Variants in MARCHF1 observed in about 807,000 individuals in gnomAD.
The protein encoded by MARCHF1 is E3 ubiquitin-protein ligase MARCHF1.
In MARCHF1, 40 loss-of-function variants were observed where a neutral mutation model predicts 54.2. That is an observed-to-expected ratio of 0.74 (90% CI 0.57 to 0.96). MARCHF1 has a LOEUF of 0.96. Ranked by LOEUF, MARCHF1 falls within the 40% of genes least tolerant of loss-of-function variation. The pLI, the probability that MARCHF1 is intolerant of heterozygous loss-of-function variation, is 0.00. For synonymous variants in MARCHF1, 236 were observed against 236.3 expected, an observed-to-expected ratio of 1.00 and a Z score of 0.01; for missense variants, 586 against 656.5, an observed-to-expected ratio of 0.89 and a Z score of 1.17.
At chr4:164,103,211 C>A (rs1465707088) in intron 2 of MARCHF1, among the ~76,000 whole-genome samples, 57 of 71,342 alleles carry the variant, frequency 8.0e-4, no homozygotes, top group African/African-American at 2.3e-3. Flanking sequence ...ATCAACGAGA[C>A]AGAAAGTCAA....
At chr4:164,081,139 C>A (rs1306067415) in intron 2 of MARCHF1, among the ~76,000 whole-genome samples, 1 of 119,156 alleles carries the variant, frequency 8.4e-6, no homozygotes, top group Non-Finnish European at 1.6e-5. Context: ...ACCCAGGAGG[C>A]GGAGCTTGCA....
intron 1 of MARCHF1, among the ~76,000 whole-genome samples, chr4:164,169,532 A>G (rs1730469689): frequency 6.6e-6 from 1 of 152,138 alleles, no homozygotes; most frequent in Admixed American, 6.6e-5. Context: ...TAGATTACCA[A>G]GAAAATAACT....
intron 5 of MARCHF1, among the ~76,000 whole-genome samples, chr4:163,632,058 T>C (rs887406476): frequency 2.0e-5 from 3 of 152,168 alleles, no homozygotes; most frequent in Non-Finnish European, 4.4e-5. Context: ...CCCATTAAGA[T>C]GGCTACTATA....
chr4:163,663,504 A>C (rs1027610710), intron 5 of MARCHF1, among the ~76,000 whole-genome samples: 3 of 151,912 alleles, frequency 2.0e-5, no homozygotes, highest in Non-Finnish European at 1.5e-5. Context: ...CTATGTTTTT[A>C]TATTCTGAAT....
intron 3 of MARCHF1, among the ~76,000 whole-genome samples, chr4:163,924,152 T>C (rs190636179): frequency 2.0e-5 from 3 of 152,204 alleles, no homozygotes; most frequent in Non-Finnish European, 4.4e-5. Context: ...TGAAGTGCCA[T>C]ATTCATGCTG....
At chr4:164,216,157 A>G (rs1180108919) in intron 1 of MARCHF1, among the ~76,000 whole-genome samples, 1 of 152,232 alleles carries the variant, frequency 6.6e-6, no homozygotes, top group Non-Finnish European at 1.5e-5. Context: ...GTCTATAATG[A>G]TACCAACATT....
rs138729088 is a variant in MARCHF1, at chr4:164,071,672, G to C, written c.-248+39916C>G. Among the ~76,000 whole-genome samples, 114 of 152,174 alleles carry C rather than the reference G, an allele frequency of 7.5e-4. 3 individuals are homozygous for C. In the East Asian group the frequency reaches 0.02, roughly 26 times the overall value. Reference sequence around the variant, plus strand: ...TTCTGTTCCTTTGAGATGTTTTGCTGGTCTTACTTCTTTTTATAAGATCTA... The same window carrying C: ...TTCTGTTCCTTTGAGATGTTTTGCTCGTCTTACTTCTTTTTATAAGATCTA... On this transcript the variant is annotated intron_variant, in intron 2 of 9. Coordinates refer to ENST00000514618, the MANE Select transcript of MARCHF1 (RefSeq NM_001394959.1).
At chr4:164,206,789 A>T (rs901089075) in intron 1 of MARCHF1, among the ~76,000 whole-genome samples, 5 of 152,246 alleles carry the variant, frequency 3.3e-5, no homozygotes, top group Admixed American at 2.6e-4. Context: ...TTACGTAACT[A>T]TAAGATATTC....
intron 4 of MARCHF1, among the ~76,000 whole-genome samples, chr4:163,837,583 A>C (rs1749225039): frequency 6.6e-6 from 1 of 152,130 alleles, no homozygotes; most frequent in East Asian, 1.9e-4. Flanking sequence ...CCATTAAAGA[A>C]GAACATTTTA....
At chr4:163,726,251 A>T (rs1426508933) in intron 4 of MARCHF1, among the ~76,000 whole-genome samples, 1 of 152,100 alleles carries the variant, frequency 6.6e-6, no homozygotes, top group Non-Finnish European at 1.5e-5. Context: ...CTTTCCTAAA[A>T]ATCTTCTGTG....
chr4:164,261,135 C>A (rs1353622224), intron 1 of MARCHF1, among the ~76,000 whole-genome samples: 1 of 152,140 alleles, frequency 6.6e-6, no homozygotes, highest in African/African-American at 2.4e-5. Context: ...AGAAAGAGGA[C>A]TGGAACAGTT....
chr4:163,990,074 A>T (rs946722577), intron 2 of MARCHF1, among the ~76,000 whole-genome samples: 1 of 152,250 alleles, frequency 6.6e-6, no homozygotes, highest in African/African-American at 2.4e-5. Flanking sequence ...GTGAAAAAAG[A>T]TCTGTACTGC....
chr4:163,975,991 CATCTTATTTGAAATGCAAGCCAT>C (rs1411862509), intron 3 of MARCHF1, among the ~76,000 whole-genome samples: 4 of 152,024 alleles, frequency 2.6e-5, no homozygotes, highest in African/African-American at 9.7e-5. Flanking sequence ...ATTAAGAGGG[CATCTTATTTGAAATGCAAGCCAT>C]ATCTTATTTA....
Position 164,148,024 on chromosome 4 carries a change from C to T in MARCHF1, c.-322-36362G>A, listed in dbSNP as rs148348153. ...ATACATTCATATTTTATTTTAATAC[C>T]CAAATTTAGATATTAGAAGGAGTCT... On this transcript the variant is annotated intron_variant, in intron 1 of 9. Transcript: ENST00000514618. Among the ~76,000 whole-genome samples, 893 of 151,376 alleles carry T rather than the reference C, an allele frequency of 5.9e-3. 9 individuals are homozygous for T. The highest frequency in any genetic ancestry group is 0.021 in the African/African-American group (851 of 41,270).
Position 163,811,417 on chromosome 4 carries a change from C to T in MARCHF1, c.111+42604G>A, listed in dbSNP as rs145720963. 8.6e-3 allele frequency among the ~76,000 whole-genome samples: 1,303 copies of T among 152,060 alleles called. 26 individuals carry two copies. The highest frequency in any genetic ancestry group is 0.03 in the African/African-American group (1,234 of 41,472). On this transcript the variant is annotated intron_variant, in intron 4 of 9. Coordinates refer to ENST00000514618, the MANE Select transcript of MARCHF1 (RefSeq NM_001394959.1). ...GGACACTGTAGTGTGCACCTATAGT[C>T]CCAGCTACTTGGCAGGCTGAGAAGG...
intron 2 of MARCHF1, among the ~76,000 whole-genome samples, chr4:164,046,691 A>C (rs1433862070): frequency 6.6e-6 from 1 of 152,228 alleles, no homozygotes; most frequent in Non-Finnish European, 1.5e-5. Flanking sequence ...TACTTGAATG[A>C]ACATAAAGAA....
chr4:164,157,980 T>C (rs1189812731), intron 1 of MARCHF1, among the ~76,000 whole-genome samples: 1 of 152,210 alleles, frequency 6.6e-6, no homozygotes, highest in African/African-American at 2.4e-5. Context: ...TTTTTGATGA[T>C]TCTTGAGAAA....
intron 1 of MARCHF1, among the ~76,000 whole-genome samples, chr4:164,282,752 G>A (rs1219390158): frequency 6.6e-6 from 1 of 151,228 alleles, no homozygotes; most frequent in Admixed American, 6.7e-5. Flanking sequence ...TGTATCCAGG[G>A]TTCAAACATG....
At chr4:163,920,059 T>C (rs1167140099) in intron 3 of MARCHF1, among the ~76,000 whole-genome samples, 2 of 152,184 alleles carry the variant, frequency 1.3e-5, no homozygotes, top group Non-Finnish European at 1.5e-5. Flanking sequence ...AGAAAGACTA[T>C]TAGAATAATT....
Sources: gnomAD v4.1 joint callset for allele counts (sites outside exome capture counted in the v4.1 genomes callset) on GRCh38, gnomAD v4.1.1 for gene constraint, MANE v1.5 for transcripts, NCBI Gene and HGNC (gene_info 2026-07-23, HGNC 2026-07-21) for gene names.